Variants in H3C4 observed in about 807,000 individuals in gnomAD.
H3C4 encodes H3 clustered histone 4.
H3C4 carries 10 observed loss-of-function variants against 8.7 expected under a neutral mutation model. The observed-to-expected ratio is 1.15, with a 90% CI of 0.71 to 1.96. The LOEUF is 1.96. Ranked by LOEUF, H3C4 falls within the 30% of genes most tolerant of loss-of-function variation. The probability of loss-of-function intolerance (pLI) is 0.00; values close to 1 mark genes in which losing one functional copy is unlikely to be tolerated. For synonymous variants in H3C4, 141 were observed against 80.1 expected (o/e 1.76, Z -4.06); for missense variants, 216 against 192.9 (o/e 1.12, Z -0.71).
upstream of H3C4, chr6:26,199,201 C>T (rs146180063): frequency 1.9e-6 from 3 of 1,612,604 alleles, no homozygotes; most frequent in South Asian, 1.1e-5. Flanking sequence ...CGGGTCTTAG[C>T]CTTAGCTCGG....
chr6:26,199,162 C>G (rs972130798), upstream of H3C4: 2 of 1,614,094 alleles, frequency 1.2e-6, no homozygotes, highest in African/African-American at 2.7e-5. Context: ...ACGCGGCCCA[C>G]AGGGAACTGG....
chr6:26,198,227 T>C (rs1765026755), upstream of H3C4, among the ~76,000 whole-genome samples: 1 of 152,244 alleles, frequency 6.6e-6, no homozygotes, highest in Non-Finnish European at 1.5e-5. Context: ...CTCTCCTGTA[T>C]GTCTCAGGCC....
upstream of H3C4, chr6:26,199,250 T>C (rs747169092): frequency 4.4e-5 from 70 of 1,592,628 alleles, 1 homozygote; most frequent in South Asian, 7.8e-4. Context: ...ACATTTTGAA[T>C]TCTTAAAAAC....
upstream of H3C4, chr6:26,199,260 C>A (rs1319414294): frequency 6.3e-7 from 1 of 1,587,544 alleles, no homozygotes; most frequent in Non-Finnish European, 8.5e-7. Context: ...TTCTTAAAAA[C>A]GATGTTAAGC....
upstream of H3C4, among the ~76,000 whole-genome samples, chr6:26,197,881 T>TAAAAAA (rs79006416): frequency 0.011 from 1,114 of 105,108 alleles, 8 homozygotes; most frequent in Middle Eastern, 0.014. Context: ...TAATCTGCTG[T>TAAAAAA]AAAAAAAAAA....
In H3C4 at chr6:26,197,038, T is replaced by A. The variant is rs781667063; in HGVS notation, c.213A>T (p.Leu71=). 9.3e-6 allele frequency: 15 copies of A among 1,614,212 alleles called. No individual in the cohort carries two copies. Among genetic ancestry groups the A allele is most frequent in the Non-Finnish European group, 1.2e-5 (14 of 1,180,032 alleles). ...LLIRKLPFQR[L]VREIAQDFKT... ...TGAAGTCCTGCGCGATCTCACGGAC[T>A]AGACGCTGGAATGGCAGTTTGCGAA... Residue 71 remains leucine (L), a synonymous_variant, in exon 1 of 1, where the codon CTA becomes CTT. Coordinates refer to ENST00000356476, the MANE Select transcript of H3C4 (RefSeq NM_001376937.1).
upstream of H3C4, chr6:26,198,708 A>T: frequency 2.6e-6 from 2 of 778,460 alleles, no homozygotes; most frequent in Non-Finnish European, 4.1e-6. Flanking sequence ...ACACCCACTT[A>T]TAAATGGAAA....
chr6:26,196,914 T>G lies in H3C4; in HGVS notation c.337A>C (p.Ile113Leu). ...ATGATAGTCACTCGCTTGGCGTGAATGGCGCATAGGTTGGTGTCCTCAAAC... is the reference window on the plus strand; with the variant it reads ...ATGATAGTCACTCGCTTGGCGTGAAGGGCGCATAGGTTGGTGTCCTCAAAC... ...GLFEDTNLCA[I>L]HAKRVTIMPK... The change falls in exon 1 of 1, where the codon ATT (isoleucine) becomes CTT (leucine). Residue 113 changes from isoleucine (I) to leucine (L), a missense_variant. Ile to Leu is a conservative substitution (Grantham distance 5, BLOSUM62 2). Coordinates refer to ENST00000356476, the MANE Select transcript of H3C4 (RefSeq NM_001376937.1). 1 of 1,614,220 alleles carries G rather than the reference T, an allele frequency of 6.2e-7. No homozygotes were observed. Among genetic ancestry groups the G allele is most frequent in the Non-Finnish European group, 8.5e-7 (1 of 1,180,020 alleles).
At chr6:26,198,645 A>G (rs1355376720), upstream of H3C4, among the ~76,000 whole-genome samples, 3 of 152,126 alleles carry the variant, frequency 2.0e-5, no homozygotes, top group Non-Finnish European at 4.4e-5. Context: ...TTGCTTATGT[A>G]TTTTTATGGC....
chr6:26,198,721 T>C, upstream of H3C4: 4 of 870,058 alleles, frequency 4.6e-6, no homozygotes, highest in Non-Finnish European at 3.5e-6. Flanking sequence ...AATGGAAAAA[T>C]TATTAAAGAA....
upstream of H3C4, chr6:26,198,727 A>G (rs141019559): frequency 4.0e-4 from 378 of 950,224 alleles, 1 homozygote; most frequent in African/African-American, 3.6e-3. Flanking sequence ...AAAATTATTA[A>G]AGAAAACTGC....
At position 26,196,887 on chromosome 6, in the gene H3C4, G is replaced by T. The variant is rs772598814; in HGVS notation, c.364C>A (p.Pro122Thr). The T allele has an allele frequency of 6.2e-7, 1 of 1,614,248 alleles. No homozygotes were observed. Among genetic ancestry groups the T allele is most frequent in the African/African-American group, 1.3e-5 (1 of 75,070 alleles). Residue 122 changes from proline (P) to threonine (T), a missense_variant, in exon 1 of 1, where the codon CCC (proline) becomes ACC (threonine). By Grantham distance (38) the Pro-to-Thr change is conservative. Transcript: ENST00000356476. The part of the protein sequence containing the change: ...AIHAKRVTIM[P>T]KDIQLARRIR... ...CGGCGAGCAAGCTGGATGTCCTTGG[G>T]CATGATAGTCACTCGCTTGGCGTGA...
At chr6:26,197,317 A>G, upstream of H3C4, 4 of 1,537,074 alleles carry the variant, frequency 2.6e-6, no homozygotes. Context: ...CCGTATATAT[A>G]AAGACACCCC....
At chr6:26,197,765 A>G (rs2113857693), upstream of H3C4, among the ~76,000 whole-genome samples, 1 of 152,260 alleles carries the variant, frequency 6.6e-6, no homozygotes, top group South Asian at 2.1e-4. Flanking sequence ...ATAAGTAACA[A>G]TATGAAACCT....
upstream of H3C4, chr6:26,198,755 A>G (rs1393930503): frequency 2.4e-6 from 3 of 1,255,692 alleles, no homozygotes; most frequent in South Asian, 2.8e-5. Flanking sequence ...CTATTTACAC[A>G]GAAAATGTGA....
At chr6:26,199,013 G>C (rs1331185233), upstream of H3C4, 8 of 1,614,146 alleles carry the variant, frequency 5.0e-6, no homozygotes, top group Non-Finnish European at 6.8e-6. Flanking sequence ...GGATGATGCG[G>C]GTCTTCTTGT....
chr6:26,198,784 T>G, upstream of H3C4: 3 of 1,476,978 alleles, frequency 2.0e-6, no homozygotes, highest in Non-Finnish European at 2.8e-6. Context: ...AAGGAATACA[T>G]GGGTGGCTCT....
rs745808261 is a variant in H3C4, at chr6:26,197,140, C to T, written c.111G>A (p.Lys37=). 6 of 1,614,170 alleles carry T rather than the reference C, an allele frequency of 3.7e-6. No individual in the cohort carries two copies. Among genetic ancestry groups the T allele is most frequent in the Non-Finnish European group, 5.1e-6 (6 of 1,180,034 alleles). ...TGCCGGGCCGGTAACGGTGGGGCTT[C>T]TTCACGCCGCCGGTGGCTGGAGCGC... ...RKSAPATGGV[K]KPHRYRPGTV... is the part of the protein sequence containing the mutation. Residue 37 remains lysine (K), a synonymous_variant, in exon 1 of 1, where the codon AAG becomes AAA. Transcript: ENST00000356476.
At position 26,196,952 on chromosome 6, in the gene H3C4, T is replaced by A; in HGVS notation, c.299A>T (p.Tyr100Phe). 4 of 1,614,224 alleles carry A rather than the reference T, an allele frequency of 2.5e-6. No homozygotes were observed. Among genetic ancestry groups the A allele is most frequent in the Non-Finnish European group, 3.4e-6 (4 of 1,180,040 alleles). ...GGTGTCCTCAAACAGCCCCACCAGG[T>A]AGGCCTCGCAGGCCTCCTGCAGCGC... ...VMALQEACEA[Y>F]LVGLFEDTNL... The change falls in exon 1 of 1, where the codon TAC (tyrosine) becomes TTC (phenylalanine). Residue 100 changes from tyrosine (Y) to phenylalanine (F), a missense_variant. Coordinates refer to ENST00000356476, the MANE Select transcript of H3C4 (RefSeq NM_001376937.1).
Sources: allele counts gnomAD v4.1 joint callset (sites outside exome capture counted in the v4.1 genomes callset), GRCh38; gene constraint gnomAD v4.1.1; transcripts MANE v1.5; gene names NCBI Gene and HGNC (gene_info 2026-07-23, HGNC 2026-07-21).